The following HHAT variants were observed in gnomAD, a reference collection of about 807,000 sequenced individuals.
The protein encoded by HHAT is protein-cysteine N-palmitoyltransferase HHAT.
A neutral mutation model predicts 70.8 loss-of-function variants in HHAT; 47 were observed. The observed-to-expected ratio is 0.66, with a 90% CI of 0.53 to 0.85. The LOEUF is 0.85. HHAT is among the 40% of genes least tolerant of loss of function. The pLI, the probability that HHAT is intolerant of heterozygous loss-of-function variation, is 0.00. For synonymous variants in HHAT, 228 were observed against 247.6 expected, an observed-to-expected ratio of 0.92 and a Z score of 0.74; for missense variants, 609 against 604.8, an observed-to-expected ratio of 1.01 and a Z score of -0.07.
chr1:210,483,317 G>A (rs1040377195), intron 8 of HHAT, among the ~76,000 whole-genome samples: 16 of 152,148 alleles, frequency 1.1e-4, no homozygotes, highest in Admixed American at 3.3e-4. Context: ...CATAAAGTGC[G>A]TAATTTCATG....
intron 8 of HHAT, among the ~76,000 whole-genome samples, chr1:210,465,018 G>T (rs902875427): frequency 6.6e-5 from 10 of 152,134 alleles, no homozygotes; most frequent in African/African-American, 2.4e-4. Context: ...AGACTGTTAA[G>T]AAAAATAGAC....
intron 7 of HHAT, among the ~76,000 whole-genome samples, chr1:210,457,464 A>G (rs1216529426): frequency 1.3e-5 from 2 of 152,228 alleles, no homozygotes; most frequent in Non-Finnish European, 2.9e-5. Context: ...GAAAATGTCC[A>G]GACGAGAGGT....
intron 7 of HHAT, among the ~76,000 whole-genome samples, chr1:210,419,450 C>A (rs192022424): frequency 6.6e-6 from 1 of 152,296 alleles, no homozygotes; most frequent in Admixed American, 6.5e-5. Flanking sequence ...AATCTCTTCA[C>A]TTCCTTGTTC....
intron 9 of HHAT, among the ~76,000 whole-genome samples, chr1:210,515,451 T>G (rs1327414069): frequency 6.6e-6 from 1 of 152,028 alleles, no homozygotes; most frequent in Non-Finnish European, 1.5e-5. Flanking sequence ...TATTTGTAGC[T>G]CTCTTCAGAA....
chr1:210,655,555 AG>A (rs1264539060), intron 11 of HHAT, among the ~76,000 whole-genome samples: 1 of 152,158 alleles, frequency 6.6e-6, no homozygotes, highest in African/African-American at 2.4e-5. Context: ...CTGGGCTCGG[AG>A]CACCCACCAG....
intron 10 of HHAT, among the ~76,000 whole-genome samples, chr1:210,620,179 C>T (rs182760936): frequency 4.6e-5 from 7 of 152,160 alleles, no homozygotes; most frequent in Admixed American, 4.6e-4. Context: ...CCCTGTGGCC[C>T]TAGAGATTCC....
chr1:210,607,283 C>T (rs1237274559), intron 10 of HHAT, among the ~76,000 whole-genome samples: 2 of 152,000 alleles, frequency 1.3e-5, no homozygotes, highest in Non-Finnish European at 2.9e-5. Flanking sequence ...ACTTTGCTCA[C>T]CCTGCTCTTC....
intron 9 of HHAT, among the ~76,000 whole-genome samples, chr1:210,564,204 C>G (rs1403707354): frequency 1.3e-5 from 2 of 151,354 alleles, no homozygotes; most frequent in African/African-American, 4.9e-5. Flanking sequence ...CTCAAGTGAT[C>G]CGCCCACCTC....
chr1:210,476,054 C>T (rs924614987), intron 8 of HHAT, among the ~76,000 whole-genome samples: 3 of 152,172 alleles, frequency 2.0e-5, no homozygotes, highest in African/African-American at 7.2e-5. Flanking sequence ...TGTGTTTGCT[C>T]ATAGAGGAGC....
chr1:210,555,575 C>A (rs1049062066), intron 9 of HHAT, among the ~76,000 whole-genome samples: 2 of 152,214 alleles, frequency 1.3e-5, no homozygotes, highest in Admixed American at 1.3e-4. Flanking sequence ...AGAAGAGATT[C>A]TCTGGACTTA....
At chr1:210,333,561 T>A (rs1457517148) in intron 1 of HHAT, among the ~76,000 whole-genome samples, 1 of 152,230 alleles carries the variant, frequency 6.6e-6, no homozygotes, top group Non-Finnish European at 1.5e-5. Context: ...GTGATGCCCA[T>A]GTAAATGGTA....
chr1:210,384,406 T>TCCTA (rs1360800969), intron 3 of HHAT, among the ~76,000 whole-genome samples: 1 of 152,174 alleles, frequency 6.6e-6, no homozygotes, highest in African/African-American at 2.4e-5. Context: ...TTATGAACAT[T>TCCTA]CAGCTGTAGG....
chr1:210,515,980 G>A lies in HHAT; in HGVS notation c.1043+2792G>A, dbSNP rs556443363. Among the ~76,000 whole-genome samples the A allele has an allele frequency of 9.9e-5, 15 of 152,130 alleles. No individual in the cohort carries two copies. The South Asian group carries it at 3.1e-3, about 32-fold the overall frequency. The stretch of plus-strand genomic sequence containing the variant: ...AGCTACTTGGGTGGATGAGGCATGA[G>A]GATCACTTGAACCCAGAAGGCCAAA... On this transcript the variant is annotated intron_variant, in intron 9 of 11. Transcript: ENST00000261458.
At chr1:210,652,411 T>A (rs1675342937) in intron 11 of HHAT, among the ~76,000 whole-genome samples, 1 of 152,042 alleles carries the variant, frequency 6.6e-6, no homozygotes, top group South Asian at 2.1e-4. Context: ...TAATAAAGAT[T>A]CAGAAACAGT....
intron 2 of HHAT, among the ~76,000 whole-genome samples, chr1:210,356,324 A>G (rs2087614969): frequency 6.6e-6 from 1 of 152,116 alleles, no homozygotes; most frequent in African/African-American, 2.4e-5. Flanking sequence ...GTTGCATATT[A>G]ATGACATTTT....
chr1:210,432,501 C>T lies in HHAT; in HGVS notation c.856+14176C>T, dbSNP rs151075743. Among the ~76,000 whole-genome samples, 8 of 151,960 alleles carry T rather than the reference C, an allele frequency of 5.3e-5. 1 individual carries two copies. The highest frequency in any genetic ancestry group is 8.8e-5 in the Non-Finnish European group (6 of 68,020). On this transcript the variant is annotated intron_variant, in intron 7 of 11. Transcript: ENST00000261458. The stretch of plus-strand genomic sequence containing the variant: ...CATAATTGACTTTGGTCATGGTTGA[C>T]GTTGTTCATTTTGGGGGACTAAAGA...
rs1681044250 is a variant in HHAT at position 210,676,265 on chromosome 1, GA to G, written c.*1888del. 6.6e-6 allele frequency: 1 copy of G among 152,110 alleles called. No homozygotes were observed. The highest frequency in any genetic ancestry group is 6.6e-5 in the Admixed American group (1 of 15,258). 9.4% of individuals were successfully genotyped at this position (152,110 alleles called of 1,614,324 possible). ...TTATATGATTCATAATGGTTCTCAG[GA>G]ATTAATAAATGATTACTGTGTTTAG... On this transcript the variant is annotated 3_prime_UTR_variant, in exon 12 of 12. Transcript: ENST00000261458.
chr1:210,572,498 C>A (rs1656558585), intron 9 of HHAT, among the ~76,000 whole-genome samples: 1 of 152,156 alleles, frequency 6.6e-6, no homozygotes, highest in African/African-American at 2.4e-5. Flanking sequence ...TGACCATTTT[C>A]ATTTCCAGTG....
At chr1:210,648,575 A>G (rs1336479104) in intron 11 of HHAT, among the ~76,000 whole-genome samples, 1 of 152,188 alleles carries the variant, frequency 6.6e-6, no homozygotes, top group Non-Finnish European at 1.5e-5. Flanking sequence ...TTTCCTCCGT[A>G]TCCAATCTGC....
Sources: allele counts gnomAD v4.1 joint callset (sites outside exome capture counted in the v4.1 genomes callset), GRCh38; gene constraint gnomAD v4.1.1; transcripts MANE v1.5; gene names NCBI Gene and HGNC (gene_info 2026-07-23, HGNC 2026-07-21).